MAN2A2: variants seen among roughly 807,000 people sequenced by gnomAD.
MAN2A2 encodes the protein mannosidase alpha class 2A member 2.
In MAN2A2, 79 loss-of-function variants were observed where a neutral mutation model predicts 126.8. The ratio of observed to expected loss-of-function variants is 0.62; its 90% CI spans 0.52 to 0.75. The LOEUF (loss-of-function observed/expected upper bound fraction) is 0.75. Among genes scored for constraint, MAN2A2 ranks in the 30% least tolerant of loss-of-function variants. The probability of loss-of-function intolerance (pLI) is 0.00; values close to 1 mark genes in which losing one functional copy is unlikely to be tolerated. For synonymous variants in MAN2A2, 671 were observed against 618.7 expected (o/e 1.08, Z -1.25); for missense variants, 1,392 against 1,522.4 (o/e 0.91, Z 1.43).
At position 90,904,178 on chromosome 15, in the gene MAN2A2, C is replaced by G; in HGVS notation, c.-18-12C>G. 6.2e-7 allele frequency: 1 copy of G among 1,614,100 alleles called. No individual in the cohort carries two copies. Among genetic ancestry groups the G allele is most frequent in the Non-Finnish European group, 8.5e-7 (1 of 1,179,954 alleles). ...TGCATGTTGGAGCTACAGATGGTGTCCTTCCTGCCAGGTGTGTGTGGAGGC... is the reference window on the plus strand; with the variant it reads ...TGCATGTTGGAGCTACAGATGGTGTGCTTCCTGCCAGGTGTGTGTGGAGGC... On this transcript the variant is annotated splice_polypyrimidine_tract_variant and intron_variant, in intron 1 of 22. Coordinates refer to ENST00000559717, the MANE Select transcript of MAN2A2 (RefSeq NM_006122.4).
Position 90,911,370 on chromosome 15 carries a change from AC to A in MAN2A2, c.1944-13del. ...AAGCAGCAGCCTCCTGGGTCAGCCC[AC>A]CTTCTACGCACAGGTTTGTGGTCCT... On this transcript the variant is annotated splice_polypyrimidine_tract_variant and intron_variant, in intron 13 of 22. Coordinates refer to ENST00000559717, the MANE Select transcript of MAN2A2 (RefSeq NM_006122.4). The A allele has an allele frequency of 6.2e-7, 1 of 1,613,946 alleles. No individual in the cohort carries two copies. The highest frequency in any genetic ancestry group is 8.5e-7 in the Non-Finnish European group (1 of 1,179,866).
intron 19 of MAN2A2, among the ~76,000 whole-genome samples, chr15:90,915,141 G>A (rs2035071572): frequency 1.3e-5 from 2 of 152,328 alleles, no homozygotes; most frequent in South Asian, 4.1e-4. Context: ...CCTAACTGCA[G>A]CCCAATATCC....
intron 18 of MAN2A2, 80 bp from the exon 19 acceptor site, chr15:90,913,534 C>T (rs955470563): frequency 1.5e-5 from 24 of 1,564,094 alleles, no homozygotes; most frequent in Middle Eastern, 1.7e-4. Context: ...GAAGAGTTAT[C>T]GGGGACTCCT....
chr15:90,913,253 C>G lies in MAN2A2; in HGVS notation c.2585-20C>G, dbSNP rs748111566. 5.0e-6 allele frequency: 8 copies of G among 1,612,696 alleles called. No homozygotes were observed. The East Asian group carries it at 6.7e-5, about 13-fold the overall frequency. On this transcript the variant is annotated intron_variant, in intron 17 of 22. Coordinates refer to ENST00000559717, the MANE Select transcript of MAN2A2 (RefSeq NM_006122.4). Reference sequence around the variant, plus strand: ...TCAGCCTCACACCTGTCCATGCCCCCACTTTGTTCCTGTACCCAGGGGTGG... The same window carrying G: ...TCAGCCTCACACCTGTCCATGCCCCGACTTTGTTCCTGTACCCAGGGGTGG...
chr15:90,909,590 G>C (rs141861996), intron 9 of MAN2A2, 86 bp downstream of exon 9: 5 of 1,380,272 alleles, frequency 3.6e-6, no homozygotes, highest in Non-Finnish European at 3.9e-6. Flanking sequence ...TTCCCAACTC[G>C]GGCAGGGTGC....
intron 17 of MAN2A2, 57 bp downstream of exon 17, chr15:90,913,048 C>T (rs1001767646): frequency 6.4e-6 from 9 of 1,397,634 alleles, no homozygotes; most frequent in Admixed American, 1.8e-5. Flanking sequence ...ACAACTGTGG[C>T]GTATTCTTCC....
In MAN2A2 at chr15:90,910,113, CT is replaced by C. The variant is rs773660477; in HGVS notation, c.1399del (p.Tyr467IlefsTer23). 1.2e-6 allele frequency: 2 copies of C among 1,613,182 alleles called. No individual in the cohort carries two copies. Among genetic ancestry groups the C allele is most frequent in the Admixed American group, 3.3e-5 (2 of 59,966 alleles). On this transcript the variant is annotated frameshift_variant, in exon 10 of 23. Coordinates refer to ENST00000559717, the MANE Select transcript of MAN2A2 (RefSeq NM_006122.4). LOFTEE classifies it high-confidence loss of function. ...VQAQFGTLSD[Y>X]FDALYKRTGV... Reference sequence around the variant, plus strand: ...AGGCCCAGTTTGGCACTCTTTCTGACTATTTTGATGCCCTGTACAAGAGGAC... The same window carrying C: ...AGGCCCAGTTTGGCACTCTTTCTGACATTTTGATGCCCTGTACAAGAGGAC...
chr15:90,911,326 G>C (rs1596158406), intron 13 of MAN2A2, 59 bp from the exon 14 acceptor site: 2 of 1,612,942 alleles, frequency 1.2e-6, no homozygotes, highest in East Asian at 4.5e-5. Flanking sequence ...AACCAGTGCA[G>C]GGCGCTTGCC....
At position 90,918,215 on chromosome 15, in the gene MAN2A2, AG is replaced by A; in HGVS notation, c.3017del (p.Ser1006ThrfsTer9). 1 of 1,613,680 alleles carries A rather than the reference AG, an allele frequency of 6.2e-7. No homozygotes were observed. The highest frequency in any genetic ancestry group is 8.5e-7 in the Non-Finnish European group (1 of 1,179,780). On this transcript the variant is annotated frameshift_variant, in exon 21 of 23. Transcript: ENST00000559717. LOFTEE classifies it high-confidence loss of function. ...GCAGGTCCAAGATAGCCACTCTACCAGCTACCCATCCCTCCTCAGCCACCTG... is the reference window on the plus strand; with the variant it reads ...GCAGGTCCAAGATAGCCACTCTACCACTACCCATCCCTCCTCAGCCACCTG... Reference protein sequence around the residue: ...GSEVQDSHSTSYPSLLSHLTS... With the variant: ...GSEVQDSHSTXYPSLLSHLTS...
upstream of MAN2A2, chr15:90,903,049 G>GAGCGCC (rs1453323111): frequency 6.6e-6 from 1 of 152,150 alleles, no homozygotes; most frequent in African/African-American, 2.4e-5. Flanking sequence ...GCGGGAGTGC[G>GAGCGCC]AGCGCCACTG....
At chr15:90,916,740 C>T in intron 20 of MAN2A2, 1 of 1,057,120 alleles carries the variant, frequency 9.5e-7, no homozygotes, top group Non-Finnish European at 1.3e-6. Flanking sequence ...GAGCCCGCCA[C>T]TCAGTCACTC....
rs146632780 is a variant in MAN2A2 at position 90,911,494 on chromosome 15, G to A, written c.2053G>A (p.Val685Met). The A allele has an allele frequency of 1.3e-4, 213 of 1,614,000 alleles. 1 individual carries two copies. In the African/African-American group the frequency reaches 1.9e-3, roughly 14 times the overall value. The change falls in exon 14 of 23, where the codon GTG (valine) becomes ATG (methionine). Residue 685 changes from valine to methionine, a missense_variant. Val to Met is a conservative substitution (Grantham distance 21). Transcript: ENST00000559717. Reference protein sequence around the residue: ...VLSEEGQPLAVQISAHWSSAT... With the variant: ...VLSEEGQPLAMQISAHWSSAT... ...TTCGGAGGAGGGTCAGCCCCTGGCC[G>A]TGCAGATCAGCGCACACTGGAGCTC...
chr15:90,916,648 C>T (rs1468807126), intron 20 of MAN2A2: 25 of 1,296,648 alleles, frequency 1.9e-5, no homozygotes, highest in South Asian at 4.9e-5. Context: ...GCAGCAGGAG[C>T]GGTAACCGAG....
Position 90,905,796 on chromosome 15 carries a change from G to A in MAN2A2, c.536-49G>A, listed in dbSNP as rs747773001. 1.4e-5 allele frequency: 23 copies of A among 1,589,498 alleles called. No homozygotes were observed. In the African/African-American group the frequency reaches 1.5e-4, roughly 10 times the overall value. ...CTGATGGCCAATACAAGGGAGGGAC[G>A]TCGAAGAAGATGGTGGCATCCTCAG... On this transcript the variant is annotated intron_variant, in intron 4 of 22. Transcript: ENST00000559717.
Position 90,906,766 on chromosome 15 carries a change from G to C in MAN2A2, c.862G>C (p.Val288Leu). 2.5e-6 allele frequency: 4 copies of C among 1,613,246 alleles called. No individual in the cohort carries two copies. Among genetic ancestry groups the C allele is most frequent in the Non-Finnish European group, 2.5e-6 (3 of 1,179,950 alleles). ...LGATPRSGWAVDPFGYSSTMP... is the reference protein window; with the variant it reads ...LGATPRSGWALDPFGYSSTMP... ...TGCAACCCCCCGCTCTGGCTGGGCA[G>C]TGGACCCCTTTGGATACAGCTCCAC... Residue 288 changes from valine to leucine, a missense_variant, in exon 7 of 23, where the codon GTG becomes CTG. Coordinates refer to ENST00000559717, the MANE Select transcript of MAN2A2 (RefSeq NM_006122.4).
chr15:90,916,242 A>G lies in MAN2A2; in HGVS notation c.2980A>G (p.Thr994Ala). 1 of 1,613,962 alleles carries G rather than the reference A, an allele frequency of 6.2e-7. No homozygotes were observed. Among genetic ancestry groups the G allele is most frequent in the Non-Finnish European group, 8.5e-7 (1 of 1,179,924 alleles). ...NRFRLLLERR[T>A]VGSEVQDSHS... ...TTTCCGCCTCCTGCTAGAGCGGCGA[A>G]CCGTGGGCAGTGAGGTAACATCTGG... Residue 994 changes from threonine to alanine, a missense_variant, in exon 20 of 23, where the codon ACC becomes GCC. Physicochemically the swap from Thr to Ala is moderately conservative, Grantham distance 58. Coordinates refer to ENST00000559717, the MANE Select transcript of MAN2A2 (RefSeq NM_006122.4).
rs191369985 is a variant in MAN2A2, at chr15:90,921,213, T to G, written c.*1426T>G. On this transcript the variant is annotated 3_prime_UTR_variant, in exon 23 of 23. Coordinates refer to ENST00000559717, the MANE Select transcript of MAN2A2 (RefSeq NM_006122.4). The stretch of plus-strand genomic sequence containing the variant: ...AAAACCTAAGAATCAACTGAAGACC[T>G]GTTAAGAGTATTCTGTAAGTCAACC... 1 of 152,374 alleles carries G rather than the reference T, an allele frequency of 6.6e-6. No individual in the cohort carries two copies. Among genetic ancestry groups the G allele is most frequent in the Non-Finnish European group, 1.5e-5 (1 of 68,038 alleles). 9.4% of individuals were successfully genotyped at this position (152,374 alleles called of 1,614,324 possible).
At chr15:90,915,290 G>C (rs1490740186) in intron 19 of MAN2A2, 1 of 152,260 alleles carries the variant, frequency 6.6e-6, no homozygotes, top group African/African-American at 2.4e-5. Flanking sequence ...AACTACACAA[G>C]TCAGTAAGGA....
At chr15:90,903,763 C>T (rs1452631119) in intron 1 of MAN2A2, 40 of 283,968 alleles carry the variant, frequency 1.4e-4, no homozygotes, top group Non-Finnish European at 2.1e-5. Flanking sequence ...CGAAAGGGCA[C>T]TGAGAAAGGC....
Sources: allele counts gnomAD v4.1 joint callset (sites outside exome capture counted in the v4.1 genomes callset), GRCh38; gene constraint gnomAD v4.1.1; transcripts MANE v1.5; gene names NCBI Gene and HGNC (gene_info 2026-07-23, HGNC 2026-07-21).